Variants in SLC25A21 observed in about 807,000 individuals in gnomAD.
SLC25A21 encodes the protein mitochondrial 2-oxodicarboxylate carrier.
In SLC25A21, 47 loss-of-function variants were observed where a neutral mutation model predicts 43.8. That is an observed-to-expected ratio of 1.07 (90% CI 0.85 to 1.37). The LOEUF is 1.37. Ranked by LOEUF, SLC25A21 falls within the 40% of genes most tolerant of loss-of-function variation. SLC25A21 has a pLI of 0.00. For missense variants in SLC25A21, 352 were observed against 350.2 expected, an observed-to-expected ratio of 1.00 and a Z score of -0.04; for synonymous variants, 131 against 121.3, an observed-to-expected ratio of 1.08 and a Z score of -0.52.
chr14:36,882,160 A>C (rs531171978), intron 1 of SLC25A21, among the ~76,000 whole-genome samples: 1 of 152,192 alleles, frequency 6.6e-6, no homozygotes, highest in Non-Finnish European at 1.5e-5. Flanking sequence ...AGGCAGGTGG[A>C]GCACTTGAGG....
At chr14:36,697,737 A>ATTTTTTT (rs1311280396) in intron 7 of SLC25A21, among the ~76,000 whole-genome samples, 1 of 69,896 alleles carries the variant, frequency 1.4e-5, no homozygotes, top group Non-Finnish European at 2.7e-5. Context: ...TGCAAGCCCT[A>ATTTTTTT]CTTTTTTTTT....
At chr14:36,828,101 AATGTGAGGTCTTCTGGGACC>A (rs6145300) in intron 2 of SLC25A21, among the ~76,000 whole-genome samples, 128,533 of 151,558 alleles carry the variant, frequency 0.85, 55,877 homozygotes, top group Non-Finnish European at 0.95. Context: ...CATGTGTGGC[AATGTGAGGTCTTCTGGGACC>A]ATGTGAGGTC....
intron 1 of SLC25A21, among the ~76,000 whole-genome samples, chr14:36,907,074 A>G (rs972204809): frequency 6.6e-6 from 1 of 152,114 alleles, no homozygotes; most frequent in African/African-American, 2.4e-5. Context: ...TATCTCTAGG[A>G]AGGCTTTGAA....
chr14:36,867,929 G>A (rs75157110), intron 2 of SLC25A21, among the ~76,000 whole-genome samples: 2,804 of 152,052 alleles, frequency 0.018, 84 homozygotes, highest in African/African-American at 0.063. Context: ...CATAGGTAAT[G>A]AGTGGAGGAG....
intron 1 of SLC25A21, among the ~76,000 whole-genome samples, chr14:37,040,859 T>G (rs1961456846): frequency 6.6e-6 from 1 of 151,768 alleles, no homozygotes; most frequent in African/African-American, 2.4e-5. Context: ...TTTCCATGTT[T>G]GAGGCTTGAG....
intron 3 of SLC25A21, among the ~76,000 whole-genome samples, chr14:36,746,287 C>A (rs79304783): frequency 1.3e-5 from 2 of 151,488 alleles, no homozygotes; most frequent in East Asian, 1.9e-4. Context: ...GAAATCATGT[C>A]TTTGAAACAA....
At chr14:36,917,052 T>C (rs1453865296) in intron 1 of SLC25A21, among the ~76,000 whole-genome samples, 1 of 152,208 alleles carries the variant, frequency 6.6e-6, no homozygotes, top group Admixed American at 6.5e-5. Flanking sequence ...TCTACTGTTA[T>C]TGTCAAATGT....
intron 3 of SLC25A21, among the ~76,000 whole-genome samples, chr14:36,801,535 G>T (rs1166525929): frequency 1.3e-5 from 2 of 152,098 alleles, no homozygotes; most frequent in Non-Finnish European, 2.9e-5. Flanking sequence ...CCTTCCCTCA[G>T]GTCTTGTAGC....
At chr14:37,162,510 C>A (rs1963962681) in intron 1 of SLC25A21, among the ~76,000 whole-genome samples, 1 of 152,160 alleles carries the variant, frequency 6.6e-6, no homozygotes, top group African/African-American at 2.4e-5. Context: ...CAAAAGAAGA[C>A]ATTTATGCAG....
intron 2 of SLC25A21, among the ~76,000 whole-genome samples, chr14:36,821,090 C>T (rs1178535212): frequency 6.6e-6 from 1 of 152,122 alleles, no homozygotes; most frequent in African/African-American, 2.4e-5. Flanking sequence ...AAAGTCAGAC[C>T]AAACATGCAA....
intron 2 of SLC25A21, among the ~76,000 whole-genome samples, chr14:36,860,389 G>A (rs1890033199): frequency 6.6e-6 from 1 of 152,182 alleles, no homozygotes; most frequent in African/African-American, 2.4e-5. Flanking sequence ...GACCATGTAG[G>A]GAAATGCCCT....
chr14:37,060,513 A>T (rs1425427601), intron 1 of SLC25A21, among the ~76,000 whole-genome samples: 1 of 151,724 alleles, frequency 6.6e-6, no homozygotes, highest in Non-Finnish European at 1.5e-5. Context: ...TTGGTTGCCA[A>T]ATGTTTCAAT....
intron 2 of SLC25A21, among the ~76,000 whole-genome samples, chr14:36,858,864 G>A (rs1431871522): frequency 6.6e-6 from 1 of 152,098 alleles, no homozygotes; most frequent in Non-Finnish European, 1.5e-5. Context: ...AGATTTTAGG[G>A]TCATTTCTTT....
intron 1 of SLC25A21, among the ~76,000 whole-genome samples, chr14:37,163,289 A>G (rs1363877182): frequency 9.0e-6 from 1 of 111,120 alleles, no homozygotes; most frequent in African/African-American, 2.7e-5. Flanking sequence ...CTTAAAGTAT[A>G]ATAATAATAA....
At chr14:36,972,396 C>G (rs1435767435) in intron 1 of SLC25A21, among the ~76,000 whole-genome samples, 1 of 152,040 alleles carries the variant, frequency 6.6e-6, no homozygotes, top group Non-Finnish European at 1.5e-5. Flanking sequence ...ATGCTGGATA[C>G]CAAGGAAAAT....
chr14:36,716,403 T>C (rs1350264763), intron 6 of SLC25A21, among the ~76,000 whole-genome samples: 6 of 152,268 alleles, frequency 3.9e-5, no homozygotes, highest in Middle Eastern at 3.4e-3. Flanking sequence ...TAAGTAAATT[T>C]TAGCTGCTCT....
At chr14:37,040,369 GAGAGAGAAAGAAAGAAAGAAAGAAAGAA>G (rs1237258017) in intron 1 of SLC25A21, among the ~76,000 whole-genome samples, 2 of 28,282 alleles carry the variant, frequency 7.1e-5, no homozygotes, top group African/African-American at 6.8e-4. Flanking sequence ...AAGAGAGAGA[GAGAGAGAAAGAAAGAAAGAAAGAAAGAA>G]AGAAAGAAAG....
chr14:37,025,258 TCATTTCTAAA>T (rs1296243035), intron 1 of SLC25A21, among the ~76,000 whole-genome samples: 2 of 152,188 alleles, frequency 1.3e-5, no homozygotes, highest in African/African-American at 4.8e-5. Context: ...CTTACTTTGC[TCATTTCTAAA>T]ATAGAAATAA....
intron 1 of SLC25A21, among the ~76,000 whole-genome samples, chr14:37,057,101 G>A (rs1342986540): frequency 6.6e-6 from 1 of 152,134 alleles, no homozygotes; most frequent in Non-Finnish European, 1.5e-5. Flanking sequence ...TATATCTAAA[G>A]GAATGCATTA....
Sources: allele counts gnomAD v4.1 joint callset (sites outside exome capture counted in the v4.1 genomes callset), GRCh38; gene constraint gnomAD v4.1.1; transcripts MANE v1.5; gene names NCBI Gene and HGNC (gene_info 2026-07-23, HGNC 2026-07-21).